DAO: variants seen among roughly 807,000 people sequenced by gnomAD.
DAO encodes the protein D-amino-acid oxidase.
Under a neutral mutation model 50.1 loss-of-function variants are expected in DAO, and 51 were observed. The observed-to-expected ratio is 1.02, with a 90% CI of 0.81 to 1.29. DAO has a LOEUF of 1.29. DAO is among the 50% of genes most tolerant of loss of function. DAO has a pLI of 0.00. For missense variants in DAO, 436 were observed against 439.4 expected, an observed-to-expected ratio of 0.99 and a Z score of 0.07; for synonymous variants, 160 against 166.2, an observed-to-expected ratio of 0.96 and a Z score of 0.29.
At chr12:108,900,130 G>A (rs997247315) in intron 10 of DAO, 22 of 429,710 alleles carry the variant, frequency 5.1e-5, no homozygotes, top group Non-Finnish European at 7.0e-5. Context: ...ACTTGCCCAA[G>A]TCAGACCACT....
At chr12:108,885,363 C>A (rs1259857090) in intron 2 of DAO, among the ~76,000 whole-genome samples, 163 bp downstream of exon 2, 3 of 152,134 alleles carry the variant, frequency 2.0e-5, no homozygotes, top group East Asian at 3.9e-4. Flanking sequence ...AATCCTAGCA[C>A]TTTGGGAGGT....
At position 108,895,302 on chromosome 12, in the gene DAO, T is replaced by TGTGTGAGG. The variant is rs1566038895; in HGVS notation, c.612+940_612+941insAGGGTGTG. On this transcript the variant is annotated intron_variant, in intron 7 of 10. Coordinates refer to ENST00000228476, the MANE Select transcript of DAO (RefSeq NM_001917.5). ...GTGTATGTAAGGGTATGTGTGCATATGTGTGTGTGCATGTGTGAGGGTGTG... is the reference window on the plus strand; with the variant it reads ...GTGTATGTAAGGGTATGTGTGCATATGTGTGAGGGTGTGTGTGCATGTGTGAGGGTGTG... Among the ~76,000 whole-genome samples, 80 of 151,400 alleles carry TGTGTGAGG rather than the reference T, an allele frequency of 5.3e-4. 1 individual carries two copies. The highest frequency in any genetic ancestry group is 3.4e-3 in the Middle Eastern group (1 of 292).
intron 1 of DAO, among the ~76,000 whole-genome samples, chr12:108,881,330 C>G (rs1207140677): frequency 6.6e-6 from 1 of 152,054 alleles, no homozygotes. Flanking sequence ...AAATGTCCAA[C>G]CGAATAACTG....
chr12:108,885,815 C>T (rs759328431), intron 2 of DAO, among the ~76,000 whole-genome samples: 1 of 152,124 alleles, frequency 6.6e-6, no homozygotes, highest in Non-Finnish European at 1.5e-5. Context: ...AGTGCAATGG[C>T]GTGATCCTGG....
intron 10 of DAO, chr12:108,900,184 G>T (rs1322234119): frequency 5.6e-6 from 3 of 533,542 alleles, no homozygotes; most frequent in Non-Finnish European, 1.0e-5. Context: ...TGACTCCAAG[G>T]CTATTTCCAG....
At chr12:108,896,274 T>G (rs1473797434) in intron 7 of DAO, among the ~76,000 whole-genome samples, 2 of 151,334 alleles carry the variant, frequency 1.3e-5, no homozygotes, top group Non-Finnish European at 2.9e-5. Context: ...ATACAAAAAA[T>G]TAGCTGGGTG....
chr12:108,892,159 CTT>C (rs11356161), intron 5 of DAO, among the ~76,000 whole-genome samples: 165 of 108,952 alleles, frequency 1.5e-3, no homozygotes, highest in East Asian at 6.0e-3. Flanking sequence ...TTTCTTTCTT[CTT>C]TTTTTTTTTT....
At chr12:108,894,003 C>T (rs1211319259) in intron 6 of DAO, among the ~76,000 whole-genome samples, 1 of 152,134 alleles carries the variant, frequency 6.6e-6, no homozygotes, top group Non-Finnish European at 1.5e-5. Context: ...TCATAACAGC[C>T]TATGAACAGC....
At chr12:108,891,892 G>A (rs942286927) in intron 5 of DAO, among the ~76,000 whole-genome samples, 1 of 152,052 alleles carries the variant, frequency 6.6e-6, no homozygotes, top group African/African-American at 2.4e-5. Flanking sequence ...GAGCAAACAG[G>A]CCTAGCAAAA....
chr12:108,886,636 CTTTA>C (rs1360072413), intron 2 of DAO, among the ~76,000 whole-genome samples: 1 of 152,026 alleles, frequency 6.6e-6, no homozygotes, highest in Non-Finnish European at 1.5e-5. Context: ...GGATAATTTT[CTTTA>C]TTTTTTGTAG....
At chr12:108,885,397 C>T (rs957362017) in intron 2 of DAO, among the ~76,000 whole-genome samples, 197 bp downstream of exon 2, 1 of 152,056 alleles carries the variant, frequency 6.6e-6, no homozygotes, top group Admixed American at 6.6e-5. Flanking sequence ...TCACTTGAGG[C>T]CAGGAGTTCC....
At chr12:108,880,566 G>A (rs1293030273) in intron 1 of DAO, among the ~76,000 whole-genome samples, 3 of 151,824 alleles carry the variant, frequency 2.0e-5, no homozygotes, top group Non-Finnish European at 2.9e-5. Context: ...TTTTTGGTGG[G>A]GGAGTTGGTA....
intron 8 of DAO, 86 bp downstream of exon 8, chr12:108,897,174 C>A: frequency 2.2e-6 from 2 of 897,278 alleles, no homozygotes; most frequent in Non-Finnish European, 3.8e-6. Context: ...CTCCTTACTC[C>A]CTGCAGTTGT....
chr12:108,885,503 G>A (rs749746052), intron 2 of DAO, among the ~76,000 whole-genome samples: 4 of 152,012 alleles, frequency 2.6e-5, no homozygotes, highest in East Asian at 1.9e-4. Context: ...CCAGCTACTC[G>A]GGAGGCTGAG....
intron 6 of DAO, 150 bp downstream of exon 6, chr12:108,893,186 G>A: frequency 1.4e-6 from 1 of 718,464 alleles, no homozygotes; most frequent in Non-Finnish European, 2.5e-6. Context: ...CAGGTATTCT[G>A]AAGGAGGAAG....
In DAO at chr12:108,900,423, A is replaced by G. The variant is rs781208737; in HGVS notation, c.932A>G (p.His311Arg). 5.0e-6 allele frequency: 8 copies of G among 1,614,084 alleles called. No homozygotes were observed. The highest frequency in any genetic ancestry group is 6.8e-6 in the Non-Finnish European group (8 of 1,179,960). Residue 311 changes from histidine to arginine, a missense_variant, in exon 11 of 11, where the codon CAT (histidine) becomes CGT (arginine). Coordinates refer to ENST00000228476, the MANE Select transcript of DAO (RefSeq NM_001917.5). ...SNTEVIHNYG[H>R]GGYGLTIHWG... ...TCCTAGGTCATCCACAACTATGGCC[A>G]TGGAGGCTACGGGCTCACCATCCAC...
chr12:108,881,474 AACACACACACACACACAC>A (rs59694062), intron 1 of DAO, among the ~76,000 whole-genome samples: 1 of 138,500 alleles, frequency 7.2e-6, no homozygotes, highest in Non-Finnish European at 1.6e-5. Flanking sequence ...TGTATTTTAA[AACACACACACACACACAC>A]ACACACACAC....
intron 1 of DAO, among the ~76,000 whole-genome samples, chr12:108,884,134 C>T (rs1426207592): frequency 1.3e-5 from 2 of 152,268 alleles, no homozygotes; most frequent in East Asian, 3.8e-4. Context: ...TGCCCCAAGG[C>T]AGGTGGAGTT....
chr12:108,895,563 G>T (rs2039543367), intron 7 of DAO, among the ~76,000 whole-genome samples: 1 of 145,442 alleles, frequency 6.9e-6, no homozygotes, highest in African/African-American at 2.6e-5. Flanking sequence ...TGTGTGTGAA[G>T]GTGTGTGCGC....
Sources: gnomAD v4.1 joint callset for allele counts (sites outside exome capture counted in the v4.1 genomes callset) on GRCh38, gnomAD v4.1.1 for gene constraint, MANE v1.5 for transcripts, NCBI Gene and HGNC (gene_info 2026-07-23, HGNC 2026-07-21) for gene names.